HLF: variants seen among roughly 807,000 people sequenced by gnomAD.
HLF encodes the protein hepatic leukemia factor.
HLF carries 3 observed loss-of-function variants against 22.6 expected under a neutral mutation model. The observed-to-expected ratio is 0.13, with a 90% CI of 0.06 to 0.34. The LOEUF (loss-of-function observed/expected upper bound fraction) is 0.34, where lower values mean the gene tolerates loss of function less well. HLF is among the 10% of genes least tolerant of loss of function. The pLI is 1.00. For missense variants in HLF, 299 were observed against 389.2 expected, an observed-to-expected ratio of 0.77 and a Z score of 1.95; for synonymous variants, 151 against 151.8, an observed-to-expected ratio of 0.99 and a Z score of 0.04.
chr17:55,268,077 A>G lies in HLF; in HGVS notation c.442A>G (p.Ile148Val), dbSNP rs1234298451. The G allele has an allele frequency of 6.4e-7, 1 of 1,556,694 alleles. No homozygotes were observed. The highest frequency in any genetic ancestry group is 1.2e-5 in the South Asian group (1 of 80,978). The change falls in exon 2 of 4, where the codon ATC (isoleucine) becomes GTC (valine). Residue 148 changes from isoleucine to valine, a missense_variant. Physicochemically the swap from Ile to Val is conservative, Grantham distance 29 (BLOSUM62 3). Coordinates refer to ENST00000226067, the MANE Select transcript of HLF (RefSeq NM_002126.5). ...ATCTCCGAACTGTATGCAGAGCCCCATCAGACCAGGTAAGTGCCCTGAAGA... is the reference window on the plus strand; with the variant it reads ...ATCTCCGAACTGTATGCAGAGCCCCGTCAGACCAGGTAAGTGCCCTGAAGA... ...IPSPNCMQSP[I>V]RPGQLLPANR...
At chr17:55,269,958 C>T (rs531905336) in intron 2 of HLF, among the ~76,000 whole-genome samples, 1 of 152,252 alleles carries the variant, frequency 6.6e-6, no homozygotes, top group African/African-American at 2.4e-5. Flanking sequence ...TATATTTTTT[C>T]CCAGGAGACC....
intron 2 of HLF, among the ~76,000 whole-genome samples, chr17:55,277,721 C>G (rs1257471629): frequency 6.6e-6 from 1 of 152,112 alleles, no homozygotes; most frequent in Non-Finnish European, 1.5e-5. Context: ...TTTCAGAAGG[C>G]TGAAAGAGTT....
intron 1 of HLF, 96 bp downstream of exon 1, chr17:55,265,695 C>G: frequency 9.1e-7 from 1 of 1,100,872 alleles, no homozygotes; most frequent in Non-Finnish European, 1.2e-6. Flanking sequence ...CCCAACCCCG[C>G]TCCCGCCCTG....
intron 2 of HLF, among the ~76,000 whole-genome samples, chr17:55,277,232 GTTATGTGTA>G (rs2080911712): frequency 3.7e-5 from 2 of 54,742 alleles, no homozygotes; most frequent in African/African-American, 1.2e-4. Flanking sequence ...TGAACCAGAT[GTTATGTGTA>G]TGTGTGTGTG....
intron 2 of HLF, among the ~76,000 whole-genome samples, chr17:55,307,656 T>C (rs1470951109): frequency 3.3e-5 from 5 of 152,158 alleles, no homozygotes; most frequent in Non-Finnish European, 7.4e-5. Context: ...GGGGGTGTTA[T>C]GTCCAGCTGC....
At chr17:55,265,646 G>T in intron 1 of HLF, 47 bp downstream of exon 1, 1 of 1,377,748 alleles carries the variant, frequency 7.3e-7, no homozygotes, top group Non-Finnish European at 1.0e-6. Flanking sequence ...ACGCTCCGGG[G>T]GTCCCCCTCC....
chr17:55,292,644 A>G (rs1383612533), intron 2 of HLF, among the ~76,000 whole-genome samples: 2 of 152,158 alleles, frequency 1.3e-5, no homozygotes, highest in African/African-American at 4.8e-5. Flanking sequence ...GTATGCCTTT[A>G]TATCCAAAGG....
chr17:55,294,883 G>A (rs751095228), intron 2 of HLF, among the ~76,000 whole-genome samples: 4 of 152,074 alleles, frequency 2.6e-5, no homozygotes, highest in African/African-American at 7.2e-5. Context: ...CTGTCAAGTC[G>A]GATACACAGC....
intron 2 of HLF, among the ~76,000 whole-genome samples, chr17:55,307,012 C>T (rs994443552): frequency 1.3e-5 from 2 of 151,972 alleles, no homozygotes; most frequent in Middle Eastern, 3.4e-3. Flanking sequence ...ATAATGTATT[C>T]CTTGATTTGG....
rs369074829 is a variant in HLF at position 55,312,468 on chromosome 17, A to G, written c.452-2759A>G. Among the ~76,000 whole-genome samples the G allele has an allele frequency of 3.9e-5, 6 of 152,276 alleles. 1 individual carries two copies. The East Asian group carries it at 7.7e-4, about 20-fold the overall frequency. ...CTAAAAATCCATCAGTTGAGGAATTATACATCGTTATATATCCAAACTATG... is the reference window on the plus strand; with the variant it reads ...CTAAAAATCCATCAGTTGAGGAATTGTACATCGTTATATATCCAAACTATG... On this transcript the variant is annotated intron_variant, in intron 2 of 3. Transcript: ENST00000226067.
intron 2 of HLF, among the ~76,000 whole-genome samples, chr17:55,270,987 T>A (rs1030679563): frequency 2.0e-5 from 3 of 152,162 alleles, no homozygotes; most frequent in Non-Finnish European, 2.9e-5. Context: ...CTTAGCAGCA[T>A]CGCGGCCCCT....
rs959600500 is a variant in HLF, at chr17:55,322,523, A to T, written c.*1644A>T. The T allele has an allele frequency of 1.4e-5, 3 of 213,724 alleles. No individual in the cohort carries two copies. Among genetic ancestry groups the T allele is most frequent in the African/African-American group, 6.8e-5 (3 of 44,308 alleles). 13.2% of individuals were successfully genotyped at this position (213,724 alleles called of 1,614,324 possible). A position where few individuals can be genotyped will look rare whatever the true frequency, so the allele number is the denominator to read the frequency against. On this transcript the variant is annotated 3_prime_UTR_variant, in exon 4 of 4. Transcript: ENST00000226067. ...ATATTTTAAGCCCTATCACTGACACATCAGCATGTTTTCTGCTTTAAATTA... is the reference window on the plus strand; with the variant it reads ...ATATTTTAAGCCCTATCACTGACACTTCAGCATGTTTTCTGCTTTAAATTA...
chr17:55,303,557 A>G (rs371597340), intron 2 of HLF, among the ~76,000 whole-genome samples: 93 of 152,336 alleles, frequency 6.1e-4, no homozygotes, highest in Middle Eastern at 3.4e-3. Context: ...CTTTAAGAAA[A>G]GAAAAGCTTT....
At chr17:55,315,045 G>A (rs1371623775) in intron 2 of HLF, among the ~76,000 whole-genome samples, 182 bp from the exon 3 acceptor site, 1 of 152,222 alleles carries the variant, frequency 6.6e-6, no homozygotes, top group Non-Finnish European at 1.5e-5. Context: ...TGTGACGTGA[G>A]TCAAGTCATA....
chr17:55,322,938 T>A lies in HLF; in HGVS notation c.*2059T>A, dbSNP rs966108296. 1 of 225,256 alleles carries A rather than the reference T, an allele frequency of 4.4e-6. No homozygotes were observed. The highest frequency in any genetic ancestry group is 8.8e-6 in the Non-Finnish European group (1 of 113,044). 14.0% of individuals were successfully genotyped at this position (225,256 alleles called of 1,614,324 possible). A position where few individuals can be genotyped will look rare whatever the true frequency, so the allele number is the denominator to read the frequency against. On this transcript the variant is annotated 3_prime_UTR_variant, in exon 4 of 4. Coordinates refer to ENST00000226067, the MANE Select transcript of HLF (RefSeq NM_002126.5). ...GTAAAATGTCAAGAAATTCTGCTGT[T>A]ACGACAAAGAAACATTTTACGCTAG...
chr17:55,275,835 A>G (rs910744162), intron 2 of HLF, among the ~76,000 whole-genome samples: 1 of 152,218 alleles, frequency 6.6e-6, no homozygotes, highest in African/African-American at 2.4e-5. Flanking sequence ...AAATGATACC[A>G]TGATTAGAAA....
chr17:55,316,996 C>A (rs536086185), intron 3 of HLF, among the ~76,000 whole-genome samples: 1 of 119,858 alleles, frequency 8.3e-6, no homozygotes, highest in Non-Finnish European at 1.6e-5. Context: ...GAGATGGAGT[C>A]GCACTCTGTT....
chr17:55,266,571 G>A (rs114503463), intron 1 of HLF, among the ~76,000 whole-genome samples: 1,604 of 152,354 alleles, frequency 0.011, 34 homozygotes, highest in African/African-American at 0.037. Context: ...GCAAGAGTTT[G>A]CAATCTGCAG....
intron 2 of HLF, chr17:55,271,536 T>G (rs996116958): frequency 6.6e-6 from 1 of 152,118 alleles, no homozygotes; most frequent in Non-Finnish European, 1.5e-5. Flanking sequence ...ACTTATTTGT[T>G]TATTTATTTT....
Sources: allele counts gnomAD v4.1 joint callset (sites outside exome capture counted in the v4.1 genomes callset), GRCh38; gene constraint gnomAD v4.1.1; transcripts MANE v1.5; gene names NCBI Gene and HGNC (gene_info 2026-07-23, HGNC 2026-07-21).